Variants in CTNNB1 observed in about 807,000 individuals in gnomAD.
CTNNB1 encodes the protein catenin beta-1.
CTNNB1 carries 6 observed loss-of-function variants against 82.5 expected under a neutral mutation model. That is an observed-to-expected ratio of 0.07 (90% CI 0.04 to 0.14). CTNNB1 has a LOEUF of 0.14. Ranked by LOEUF, CTNNB1 falls within the 10% of genes least tolerant of loss-of-function variation. The pLI is 1.00. For synonymous variants in CTNNB1, 312 were observed against 329.7 expected, an observed-to-expected ratio of 0.95 and a Z score of 0.58; for missense variants, 529 against 980.4, an observed-to-expected ratio of 0.54 and a Z score of 6.15.
chr3:41,200,478 G>A (rs570138070), intron 1 of CTNNB1: 1 of 152,332 alleles, frequency 6.6e-6, no homozygotes, highest in Non-Finnish European at 1.5e-5. Context: ...GAAGGCGAAG[G>A]TGATGGCTTA....
intron 7 of CTNNB1, among the ~76,000 whole-genome samples, chr3:41,232,723 G>A (rs2078339192): frequency 6.6e-6 from 1 of 152,032 alleles, no homozygotes; most frequent in South Asian, 2.1e-4. Context: ...GACAGTAAGT[G>A]TTTTCATGCC....
intron 6 of CTNNB1, 65 bp from the exon 7 acceptor site, chr3:41,227,143 T>C (rs2078193992): frequency 7.4e-6 from 10 of 1,347,538 alleles, no homozygotes; most frequent in Non-Finnish European, 1.1e-5. Flanking sequence ...GTTGGTAATA[T>C]GGCTCTTCTC....
intron 1 of CTNNB1, among the ~76,000 whole-genome samples, chr3:41,201,194 T>C (rs1430678333): frequency 1.3e-5 from 2 of 152,204 alleles, no homozygotes; most frequent in Non-Finnish European, 2.9e-5. Flanking sequence ...TCCTAAGAAA[T>C]AGTAAATATA....
intron 1 of CTNNB1, among the ~76,000 whole-genome samples, chr3:41,203,499 T>C (rs1023152418): frequency 2.6e-5 from 4 of 152,182 alleles, no homozygotes; most frequent in Non-Finnish European, 4.4e-5. Context: ...TTCAGTTATA[T>C]TGATGAATTA....
intron 1 of CTNNB1, among the ~76,000 whole-genome samples, chr3:41,220,366 C>G (rs72861956): frequency 3.5e-4 from 53 of 151,386 alleles, no homozygotes; most frequent in African/African-American, 1.0e-3. Flanking sequence ...TGACAAGACA[C>G]CTTGAGAACA....
intron 7 of CTNNB1, among the ~76,000 whole-genome samples, chr3:41,229,864 G>A (rs931105286): frequency 2.3e-4 from 33 of 141,916 alleles, no homozygotes; most frequent in Admixed American, 4.4e-4. Flanking sequence ...TTGTACTAGG[G>A]CCTCTTGGGT....
intron 7 of CTNNB1, among the ~76,000 whole-genome samples, chr3:41,231,380 T>C (rs986247756): frequency 6.6e-6 from 1 of 150,594 alleles, no homozygotes; most frequent in Non-Finnish European, 1.5e-5. Context: ...GAAGAGAAGG[T>C]CTGCATAAAC....
intron 1 of CTNNB1, among the ~76,000 whole-genome samples, chr3:41,202,049 T>A (rs1257665521): frequency 6.6e-6 from 1 of 152,186 alleles, no homozygotes; most frequent in Non-Finnish European, 1.5e-5. Context: ...AGGCGCATGC[T>A]AAGTATTGTT....
At chr3:41,204,607 G>A (rs1559453858) in intron 1 of CTNNB1, among the ~76,000 whole-genome samples, 1 of 152,160 alleles carries the variant, frequency 6.6e-6, no homozygotes, top group Non-Finnish European at 1.5e-5. Flanking sequence ...CCACTGTGTG[G>A]GAATATAGTT....
rs201364335 is a variant in CTNNB1, at chr3:41,225,223, G to C, written c.495+16G>C. The C allele has an allele frequency of 9.1e-5, 147 of 1,614,012 alleles. No homozygotes were observed. The highest frequency in any genetic ancestry group is 1.2e-4 in the Non-Finnish European group (143 of 1,179,972). On this transcript the variant is annotated intron_variant, in intron 4 of 14. Transcript: ENST00000349496. This position sits in a 1 kb window ranked among gnomAD's most constrained non-coding sequence, Gnocchi z 5.3. ...CGAGGACCAGGTAAGCAATGACATA[G>C]CTAGCTTTTTAGTCTGCTTTGAAGT...
At chr3:41,213,480 A>G (rs1411350555) in intron 1 of CTNNB1, among the ~76,000 whole-genome samples, 1 of 152,208 alleles carries the variant, frequency 6.6e-6, no homozygotes, top group African/African-American at 2.4e-5. Context: ...TCAAGAATGC[A>G]GGGACCATGT....
chr3:41,214,948 A>G (rs1575299225), intron 1 of CTNNB1, among the ~76,000 whole-genome samples: 1 of 152,184 alleles, frequency 6.6e-6, no homozygotes, highest in Non-Finnish European at 1.5e-5. Context: ...TAGTTGTGAC[A>G]AAGAGTTTAT....
intron 14 of CTNNB1, among the ~76,000 whole-genome samples, chr3:41,238,707 G>T (rs1045299074): frequency 6.6e-6 from 1 of 152,094 alleles, no homozygotes; most frequent in Admixed American, 6.5e-5. Flanking sequence ...GTGTCACTTG[G>T]CCTTTTTGTC....
intron 14 of CTNNB1, 36 bp from the exon 15 acceptor site, chr3:41,239,098 T>C: frequency 6.4e-7 from 1 of 1,564,402 alleles, no homozygotes; most frequent in Non-Finnish European, 8.8e-7. Context: ...TTTGCCTTCC[T>C]TCTTGCCTAT....
At chr3:41,238,443 C>T (rs1215990451) in intron 14 of CTNNB1, 4 of 226,714 alleles carry the variant, frequency 1.8e-5, no homozygotes, top group African/African-American at 4.6e-5. Context: ...GCTCAGATCT[C>T]GGGTGGGTTT....
rs770107882 is a variant in CTNNB1 at position 41,225,059 on chromosome 3, C to G, written c.347C>G (p.Ala116Gly). ...CAGATCCCATCTACACAGTTTGATG[C>G]TGCTCATCCCACTAATGTCCAGCGT... ...GMQIPSTQFD[A>G]AHPTNVQRLA... Residue 116 changes from alanine (A) to glycine (G), a missense_variant, in exon 4 of 15, where the codon GCT (alanine) becomes GGT (glycine). This residue lies in a region of CTNNB1 where 411 missense variants were observed against 776.4 expected (regional missense o/e 0.53). Transcript: ENST00000349496. This position sits in a 1 kb window ranked among gnomAD's most constrained non-coding sequence, Gnocchi z 5.3. 2 of 1,614,112 alleles carry G rather than the reference C, an allele frequency of 1.2e-6. No individual in the cohort carries two copies. Among genetic ancestry groups the G allele is most frequent in the Non-Finnish European group, 1.7e-6 (2 of 1,179,992 alleles).
At position 41,234,177 on chromosome 3, in the gene CTNNB1, C is replaced by T. The variant is rs370135014; in HGVS notation, c.1563C>T (p.Pro521=). The T allele has an allele frequency of 3.0e-5, 48 of 1,614,050 alleles. No homozygotes were observed. The highest frequency in any genetic ancestry group is 3.3e-5 in the Admixed American group (2 of 60,000). The change falls in exon 10 of 15, where the codon CCC becomes CCT. Residue 521 remains proline, a synonymous_variant. Transcript: ENST00000349496. ...VGLIRNLALC[P]ANHAPLREQG... is the part of the protein sequence containing the mutation. Reference sequence around the variant, plus strand: ...TGATTCGAAATCTTGCCCTTTGTCCCGCAAATCATGCACCTTTGCGTGAGC... The same window carrying T: ...TGATTCGAAATCTTGCCCTTTGTCCTGCAAATCATGCACCTTTGCGTGAGC...
rs776792565 is a variant in CTNNB1, at chr3:41,238,085, C to T, written c.2137+9C>T. 6.2e-7 allele frequency: 1 copy of T among 1,610,880 alleles called. No homozygotes were observed. The highest frequency in any genetic ancestry group is 1.7e-5 in the Admixed American group (1 of 60,018). On this transcript the variant is annotated intron_variant, in intron 14 of 14. Coordinates refer to ENST00000349496, the MANE Select transcript of CTNNB1 (RefSeq NM_001904.4). ...TGGATATCGCCAGGATGGTATGTGT[C>T]TCATATTTCTCGATTAACTCCAGAT...
At chr3:41,210,441 G>A (rs548911721) in intron 1 of CTNNB1, among the ~76,000 whole-genome samples, 3 of 152,118 alleles carry the variant, frequency 2.0e-5, no homozygotes, top group South Asian at 4.2e-4. Context: ...GCGACAGAGC[G>A]GAAACTCCGT....
Sources: gnomAD v4.1 joint callset for allele counts (sites outside exome capture counted in the v4.1 genomes callset) on GRCh38, gnomAD v4.1.1 for gene constraint, gnomAD v4.1.1 regional missense constraint, Gnocchi (gnomAD v3.1) non-coding constraint, MANE v1.5 for transcripts, NCBI Gene and HGNC (gene_info 2026-07-23, HGNC 2026-07-21) for gene names.